MRPS22: variants seen among roughly 807,000 people sequenced by gnomAD.
MRPS22 encodes the protein small ribosomal subunit protein mS22.
In MRPS22, 30 loss-of-function variants were observed where a neutral mutation model predicts 44.0. The observed-to-expected ratio is 0.68, with a 90% CI of 0.51 to 0.93. The LOEUF is 0.93. Among genes scored for constraint, MRPS22 ranks in the 40% least tolerant of loss-of-function variants. MRPS22 has a pLI of 0.00. For missense variants in MRPS22, 447 were observed against 447.8 expected, an observed-to-expected ratio of 1.00 and a Z score of 0.02; for synonymous variants, 165 against 154.4, an observed-to-expected ratio of 1.07 and a Z score of -0.51.
intron 6 of MRPS22, among the ~76,000 whole-genome samples, chr3:139,353,919 TACAAAA>T (rs1300988130): frequency 1.3e-5 from 2 of 152,210 alleles, no homozygotes; most frequent in Non-Finnish European, 2.9e-5. Context: ...AGTATGTTCT[TACAAAA>T]AATTAGAGCA....
At chr3:139,350,748 A>T in intron 4 of MRPS22, 2 of 554,428 alleles carry the variant, frequency 3.6e-6, no homozygotes, top group South Asian at 2.0e-5. Context: ...CTTCTTTCTT[A>T]ATAGAATCCT....
chr3:139,351,501 T>G, intron 5 of MRPS22: 1 of 244,216 alleles, frequency 4.1e-6, no homozygotes, highest in Admixed American at 5.0e-5. Flanking sequence ...TAGGATAGAG[T>G]ATGCTGTGCC....
At chr3:139,352,550 C>T (rs1941170606) in intron 5 of MRPS22, 97 bp from the exon 6 acceptor site, 1 of 1,112,548 alleles carries the variant, frequency 9.0e-7, no homozygotes, top group African/African-American at 1.5e-5. Context: ...CCTGGTTTTA[C>T]TTGCTTGGGC....
chr3:139,347,778 T>C (rs1941069216), intron 2 of MRPS22, among the ~76,000 whole-genome samples: 1 of 152,232 alleles, frequency 6.6e-6, no homozygotes, highest in African/African-American at 2.4e-5. Flanking sequence ...TGATAACAAT[T>C]GCACCTAACT....
Position 139,350,975 on chromosome 3 carries a change from A to C in MRPS22, c.649-2A>C. The C allele has an allele frequency of 6.2e-7, 1 of 1,613,624 alleles. No homozygotes were observed. The highest frequency in any genetic ancestry group is 8.5e-7 in the Non-Finnish European group (1 of 1,179,558). On this transcript the variant is annotated splice_acceptor_variant, in intron 4 of 7. Coordinates refer to ENST00000680020, the MANE Select transcript of MRPS22 (RefSeq NM_020191.4). LOFTEE classifies it high-confidence loss of function. ...GATGCTAACTCTGCTGTGTGGTTTT[A>C]GACTATGTATAGCCAGGACAGGCAT...
chr3:139,346,809 C>G lies in MRPS22; in HGVS notation c.173-69C>G, dbSNP rs1042405019. ...GCTAATGCTTTTTATTGTTAACTGA[C>G]TTTTCTATTTAGAGGTCTTGTTAGC... On this transcript the variant is annotated intron_variant, in intron 1 of 7. Transcript: ENST00000680020. The G allele has an allele frequency of 7.1e-6, 11 of 1,545,978 alleles. No homozygotes were observed. The African/African-American group carries it at 1.5e-4, about 21-fold the overall frequency.
chr3:139,344,605 T>G, intron 1 of MRPS22: 1 of 647,884 alleles, frequency 1.5e-6, no homozygotes, highest in Non-Finnish European at 2.8e-6. Flanking sequence ...TGACCAAAGC[T>G]GAGATCTGGT....
intron 1 of MRPS22, chr3:139,344,825 C>A: frequency 3.6e-6 from 2 of 548,688 alleles, no homozygotes; most frequent in Non-Finnish European, 6.5e-6. Context: ...CCATTTACAC[C>A]AAGATGAAGA....
chr3:139,344,278 A>G (rs113483466), intron 1 of MRPS22, 80 bp downstream of exon 1: 25 of 1,441,668 alleles, frequency 1.7e-5, no homozygotes, highest in African/African-American at 1.4e-4. Context: ...AAACCACGCG[A>G]TAGCCCCCGC....
At chr3:139,345,644 C>T (rs946636592) in intron 1 of MRPS22, among the ~76,000 whole-genome samples, 2 of 152,058 alleles carry the variant, frequency 1.3e-5, no homozygotes, top group African/African-American at 4.8e-5. Flanking sequence ...GTTGTTATTA[C>T]TACTGCTATT....
chr3:139,357,107 A>G lies in MRPS22; in HGVS notation c.*93A>G, dbSNP rs74365525. The stretch of plus-strand genomic sequence containing the variant: ...TGTTAAAAAATGGCCAGATTAAAAG[A>G]TATCAATTTGTAGTTCTCCCTACAA... On this transcript the variant is annotated 3_prime_UTR_variant, in exon 8 of 8. Coordinates refer to ENST00000680020, the MANE Select transcript of MRPS22 (RefSeq NM_020191.4). 0.075 allele frequency: 80,457 copies of G among 1,068,136 alleles called. 3,471 individuals carry two copies. The highest frequency in any genetic ancestry group is 0.12 in the Middle Eastern group (402 of 3,304). The allele number at this position is 1,068,136 out of a possible 1,614,324, so 66.2% of individuals were successfully genotyped here.
In MRPS22 at chr3:139,350,182, C is replaced by T. The variant is rs948280864; in HGVS notation, c.508C>T (p.Arg170Cys). The change falls in exon 4 of 8, where the codon CGT becomes TGT. Residue 170 changes from arginine (R) to cysteine (C), a missense_variant. Coordinates refer to ENST00000680020, the MANE Select transcript of MRPS22 (RefSeq NM_020191.4). ...DISYSIPHRE[R>C]FIVVREPSGT... ...TGATTATGTTTTTCTATTTTAGGAG[C>T]GTTTTATTGTCGTCAGAGAACCAAG... 1.5e-5 allele frequency: 24 copies of T among 1,613,868 alleles called. No individual in the cohort carries two copies. Among genetic ancestry groups the T allele is most frequent in the Middle Eastern group, 1.6e-4 (1 of 6,084 alleles).
In MRPS22 at chr3:139,348,593, A is replaced by T. The variant is rs1941090210; in HGVS notation, c.504+269A>T. 3.0e-5 allele frequency: 12 copies of T among 402,360 alleles called. No homozygotes were observed. The South Asian group carries it at 3.5e-4, about 12-fold the overall frequency. 24.9% of individuals were successfully genotyped at this position (402,360 alleles called of 1,614,324 possible). On this transcript the variant is annotated intron_variant, in intron 3 of 7. Coordinates refer to ENST00000680020, the MANE Select transcript of MRPS22 (RefSeq NM_020191.4). ...CAGAACAAGGAGTACACAGATACAG[A>T]CAGAAACCCATCCCAAACCACAAAT...
chr3:139,354,556 T>C (rs1941209591), intron 6 of MRPS22, among the ~76,000 whole-genome samples: 1 of 152,238 alleles, frequency 6.6e-6, no homozygotes, highest in Non-Finnish European at 1.5e-5. Context: ...TTTTTCCCCC[T>C]GAAAAGCTTT....
At chr3:139,352,828 T>C in intron 6 of MRPS22, 36 bp downstream of exon 6, 1 of 1,600,564 alleles carries the variant, frequency 6.2e-7, no homozygotes, top group Non-Finnish European at 8.5e-7. Flanking sequence ...GAATCATTCT[T>C]ATTGCTCTAA....
At chr3:139,348,108 CTTA>C in intron 2 of MRPS22, 49 bp from the exon 3 acceptor site, 1 of 1,579,308 alleles carries the variant, frequency 6.3e-7, no homozygotes, top group Non-Finnish European at 8.7e-7. Context: ...TCAGATGATC[CTTA>C]TATTATGTAA....
chr3:139,347,099 A>G lies in MRPS22; in HGVS notation c.339+55A>G, dbSNP rs945678406. 3 of 1,583,744 alleles carry G rather than the reference A, an allele frequency of 1.9e-6. No individual in the cohort carries two copies. The African/African-American group carries it at 4.0e-5, about 21-fold the overall frequency. Reference sequence around the variant, plus strand: ...ACCTTTCTTTAAGGGTTTAAACAACATTTCTAGAGGCCCCTCCAGATGCTT... The same window carrying G: ...ACCTTTCTTTAAGGGTTTAAACAACGTTTCTAGAGGCCCCTCCAGATGCTT... On this transcript the variant is annotated intron_variant, in intron 2 of 7. Coordinates refer to ENST00000680020, the MANE Select transcript of MRPS22 (RefSeq NM_020191.4).
intron 5 of MRPS22, chr3:139,351,848 G>A: frequency 6.5e-6 from 1 of 153,326 alleles, no homozygotes; most frequent in Non-Finnish European, 1.5e-5. Context: ...CACATCATAG[G>A]TGACCTCAGA....
chr3:139,348,353 C>T (rs1560006198), intron 3 of MRPS22, 29 bp downstream of exon 3: 1 of 1,607,622 alleles, frequency 6.2e-7, no homozygotes, highest in Non-Finnish European at 8.5e-7. Flanking sequence ...GCAAAATGAT[C>T]TTTCTTTGAA....
Sources: allele counts gnomAD v4.1 joint callset (sites outside exome capture counted in the v4.1 genomes callset), GRCh38; gene constraint gnomAD v4.1.1; transcripts MANE v1.5; gene names NCBI Gene and HGNC (gene_info 2026-07-23, HGNC 2026-07-21).